Variants in CLPS observed in about 807,000 individuals in gnomAD.
The protein encoded by CLPS is colipase, pancreatic.
A neutral mutation model predicts 9.3 loss-of-function variants in CLPS; 8 were observed. The ratio of observed to expected loss-of-function variants is 0.86; its 90% confidence interval spans 0.51 to 1.56. The LOEUF (loss-of-function observed/expected upper bound fraction) is 1.56, where lower values mean the gene tolerates loss of function less well. CLPS is among the 40% of genes most tolerant of loss of function. The pLI, the probability that CLPS is intolerant of heterozygous loss-of-function variation, is 0.00. For synonymous variants in CLPS, 61 were observed against 56.2 expected, an observed-to-expected ratio of 1.09 and a Z score of -0.39; for missense variants, 144 against 145.7, an observed-to-expected ratio of 0.99 and a Z score of 0.06.
At chr6:35,795,680 G>A in intron 2 of CLPS, 51 bp downstream of exon 2, 1 of 1,601,540 alleles carries the variant, frequency 6.2e-7, no homozygotes, top group Non-Finnish European at 8.5e-7. Context: ...CAAGTGTTCA[G>A]GGCCCTACTC....
Position 35,797,229 on chromosome 6 carries a change from G to A in CLPS, c.60C>T (p.Gly20=), listed in dbSNP as rs145002055. ...CCAGGTTGATAATGATCCCCCGGGG[G>A]CCAGGAGCTGCATAGGCCACAGAGA... ...VALSVAYAAP[G]PRGIIINLEN... is the part of the protein sequence containing the mutation. The change falls in exon 1 of 3, where the codon GGC becomes GGT. Residue 20 remains glycine (G), a synonymous_variant. Transcript: ENST00000259938. 60 of 1,614,084 alleles carry A rather than the reference G, an allele frequency of 3.7e-5. No individual in the cohort carries two copies. The East Asian group carries it at 1.3e-3, about 34-fold the overall frequency.
chr6:35,795,776 G>C lies in CLPS; in HGVS notation c.162C>G (p.Ala54=), dbSNP rs1452100861. Residue 54 remains alanine (A), a synonymous_variant, in exon 2 of 3, where the codon GCC becomes GCG. Transcript: ENST00000259938. ...CCQHSSALGL[A]RCTSMASENS... ...TCTCGCTGGCCATGGATGTGCAGCG[G>C]GCCAGGCCCAGCGCACTTGAATGCT... The C allele has an allele frequency of 6.2e-7, 1 of 1,613,222 alleles. No individual in the cohort carries two copies. The highest frequency in any genetic ancestry group is 8.5e-7 in the Non-Finnish European group (1 of 1,180,030).
rs780280266 is a variant in CLPS, at chr6:35,795,231, G to T, written c.254C>A (p.Thr85Asn). ...YYKCPCERGL[T>N]CEGDKTIVGS... ...CACGATGGTCTTGTCTCCCTCACAG[G>T]TCAGGCCACGCTCACAGGGACACTT... The change falls in exon 3 of 3, where the codon ACC (threonine) becomes AAC (asparagine). Residue 85 changes from threonine to asparagine, a missense_variant. Coordinates refer to ENST00000259938, the MANE Select transcript of CLPS (RefSeq NM_001832.4). 6.2e-7 allele frequency: 1 copy of T among 1,614,228 alleles called. No individual in the cohort carries two copies. Among genetic ancestry groups the T allele is most frequent in the South Asian group, 1.1e-5 (1 of 91,092 alleles).
rs760509453 is a variant in CLPS, at chr6:35,795,835, T to C, written c.103A>G (p.Met35Val). ...IINLENGELC[M>V]NSAQCKSNCC... ...TTGCTCTTACACTGGGCACTATTCA[T>C]GCAGAGCTCACCGTTCTCCTGCCAG... The change falls in exon 2 of 3, where the codon ATG becomes GTG. Residue 35 changes from methionine (M) to valine (V), a missense_variant. Transcript: ENST00000259938. 8.7e-6 allele frequency: 14 copies of C among 1,612,926 alleles called. No homozygotes were observed. The highest frequency in any genetic ancestry group is 6.7e-5 in the Admixed American group (4 of 60,016).
rs200437409 is a variant in CLPS at position 35,797,247 on chromosome 6, C to T, written c.42G>A (p.Val14=). 2 of 1,614,002 alleles carry T rather than the reference C, an allele frequency of 1.2e-6. No individual in the cohort carries two copies. Among genetic ancestry groups the T allele is most frequent in the Middle Eastern group, 1.6e-4 (1 of 6,082 alleles). ...CCCGGGGGCCAGGAGCTGCATAGGC[C>T]ACAGAGAGGGCGACAAGCAGGAGGA... ...ILILLLVALS[V]AYAAPGPRGI... The change falls in exon 1 of 3, where the codon GTG becomes GTA. Residue 14 remains valine (V), a synonymous_variant. Transcript: ENST00000259938.
intron 2 of CLPS, 89 bp from the exon 3 acceptor site, chr6:35,795,366 C>T: frequency 1.9e-6 from 3 of 1,541,360 alleles, no homozygotes; most frequent in Non-Finnish European, 2.6e-6. Context: ...ACCAGTAGGC[C>T]AGCCTGTGTT....
At chr6:35,796,614 G>A (rs1768374468) in intron 1 of CLPS, among the ~76,000 whole-genome samples, 2 of 152,270 alleles carry the variant, frequency 1.3e-5, no homozygotes, top group South Asian at 4.1e-4. Context: ...TCTCAGGATG[G>A]AAGCCCAGGG....
At chr6:35,795,501 C>A (rs1768335372) in intron 2 of CLPS, among the ~76,000 whole-genome samples, 1 of 152,206 alleles carries the variant, frequency 6.6e-6, no homozygotes, top group Admixed American at 6.5e-5. Flanking sequence ...CCTCTATTTA[C>A]CCAGCCATGA....
rs1165737353 is a variant in CLPS, at chr6:35,795,646, G to T, written c.207+85C>A. Reference sequence around the variant, plus strand: ...CTCCTCAACATTCAGTGTCCAGGCTGACCCCCCTCCCTGATCCCACTCACA... The same window carrying T: ...CTCCTCAACATTCAGTGTCCAGGCTTACCCCCCTCCCTGATCCCACTCACA... On this transcript the variant is annotated intron_variant, in intron 2 of 2. Transcript: ENST00000259938. 5.7e-6 allele frequency: 9 copies of T among 1,571,850 alleles called. No individual in the cohort carries two copies. The Admixed American group carries it at 1.4e-4, about 24-fold the overall frequency.
At chr6:35,796,117 G>A (rs1768362681) in intron 1 of CLPS, among the ~76,000 whole-genome samples, 2 of 152,266 alleles carry the variant, frequency 1.3e-5, no homozygotes, top group Non-Finnish European at 2.9e-5. Flanking sequence ...GTGTGACTCT[G>A]GGCAAGTCAC....
At chr6:35,796,073 T>C (rs1768361529) in intron 1 of CLPS, among the ~76,000 whole-genome samples, 1 of 152,270 alleles carries the variant, frequency 6.6e-6, no homozygotes, top group Admixed American at 6.5e-5. Flanking sequence ...TCAGGACCCC[T>C]GGGTTCTAGT....
chr6:35,797,107 C>T, intron 1 of CLPS, 98 bp downstream of exon 1: 2 of 1,143,378 alleles, frequency 1.7e-6, no homozygotes, highest in Non-Finnish European at 1.3e-6. Flanking sequence ...TCCTCCCAGC[C>T]CCTGCCAGTC....
chr6:35,795,468 A>T (rs1383945211), intron 2 of CLPS, among the ~76,000 whole-genome samples, 191 bp from the exon 3 acceptor site: 1 of 152,094 alleles, frequency 6.6e-6, no homozygotes, highest in Non-Finnish European at 1.5e-5. Context: ...ATTTGCTCTT[A>T]CTAGCTTGAT....
At chr6:35,795,883 C>T in intron 1 of CLPS, 30 bp from the exon 2 acceptor site, 3 of 1,610,266 alleles carry the variant, frequency 1.9e-6, no homozygotes, top group South Asian at 1.1e-5. Context: ...AGCCCAGGCC[C>T]CACTCCCTCA....
In CLPS at chr6:35,795,166, C is replaced by T. The variant is rs748533143; in HGVS notation, c.319G>A (p.Ala107Thr). 10 of 1,613,910 alleles carry T rather than the reference C, an allele frequency of 6.2e-6. No individual in the cohort carries two copies. Among genetic ancestry groups the T allele is most frequent in the Admixed American group, 1.7e-5 (1 of 59,992 alleles). ...TNTNFGICHD[A>T]GRSKQ ...CAGTCTCACTGCTTGGAGCGTCCAG[C>T]GTCATGGCAGATGCCAAAGTTGGTG... is the stretch of plus-strand genomic sequence containing the variant. The change falls in exon 3 of 3, where the codon GCT becomes ACT. Residue 107 changes from alanine to threonine, a missense_variant. Ala to Thr is a moderately conservative substitution (Grantham distance 58). Transcript: ENST00000259938.
chr6:35,795,986 G>A, intron 1 of CLPS, 133 bp from the exon 2 acceptor site: 1 of 1,437,132 alleles, frequency 7.0e-7, no homozygotes. Flanking sequence ...CCATCCCCTG[G>A]GTCTGGTGGC....
At position 35,795,058 on chromosome 6, in the gene CLPS, C is replaced by T. The variant is rs913951003; in HGVS notation, c.*88G>A. 99 of 1,539,032 alleles carry T rather than the reference C, an allele frequency of 6.4e-5. No homozygotes were observed. Among genetic ancestry groups the T allele is most frequent in the Admixed American group, 2.3e-4 (12 of 51,994 alleles). ...ATGCTGGTCAAGGAGGTGGCCAGCC[C>T]GGGAGATGCGCTGGAGCAGGGGAGA... is the stretch of plus-strand genomic sequence containing the variant. On this transcript the variant is annotated 3_prime_UTR_variant, in exon 3 of 3. Transcript: ENST00000259938.
chr6:35,795,389 C>T (rs1304846027), intron 2 of CLPS, 112 bp from the exon 3 acceptor site: 3 of 1,461,276 alleles, frequency 2.1e-6, no homozygotes, highest in Non-Finnish European at 2.8e-6. Context: ...CGGGGAGTGC[C>T]TCTCCCACCT....
chr6:35,796,944 A>G (rs1768382896), intron 1 of CLPS: 1 of 494,760 alleles, frequency 2.0e-6, no homozygotes, highest in South Asian at 2.1e-5. Context: ...AAAAGAAAAA[A>G]AAGAAAAAAA....
Sources: gnomAD v4.1 joint callset for allele counts (sites outside exome capture counted in the v4.1 genomes callset) on GRCh38, gnomAD v4.1.1 for gene constraint, MANE v1.5 for transcripts, NCBI Gene and HGNC (gene_info 2026-07-23, HGNC 2026-07-21) for gene names.